Variants in BLNK observed in about 807,000 individuals in gnomAD.
The protein encoded by BLNK is B cell linker, also known as B-cell linker protein.
A neutral mutation model predicts 73.5 loss-of-function variants in BLNK; 29 were observed. The observed-to-expected ratio is 0.39, with a 90% CI of 0.29 to 0.54. The LOEUF is 0.54. Among genes scored for constraint, BLNK ranks in the 20% least tolerant of loss-of-function variants. BLNK has a pLI of 0.61. For synonymous variants in BLNK, 176 were observed against 200.8 expected (o/e 0.88, Z 1.04); for missense variants, 460 against 562.8 (o/e 0.82, Z 1.85).
intron 8 of BLNK, among the ~76,000 whole-genome samples, chr10:96,214,930 T>C (rs587619364): frequency 1.3e-5 from 2 of 152,242 alleles, no homozygotes; most frequent in South Asian, 2.1e-4. Flanking sequence ...CAAGGTGGCA[T>C]AGCTGGTAAC....
At chr10:96,229,106 AGTT>A (rs587713131) in intron 4 of BLNK, among the ~76,000 whole-genome samples, 234 of 152,228 alleles carry the variant, frequency 1.5e-3, no homozygotes, top group African/African-American at 5.5e-3. Context: ...ATATTCTTTT[AGTT>A]ATTTTTAAAT....
intron 6 of BLNK, among the ~76,000 whole-genome samples, chr10:96,217,267 T>C (rs1180374131): frequency 6.6e-6 from 1 of 152,230 alleles, no homozygotes; most frequent in African/African-American, 2.4e-5. Flanking sequence ...TGAATAATGG[T>C]GTCATGACTA....
chr10:96,227,301 C>T, intron 5 of BLNK, 109 bp downstream of exon 5: 1 of 1,445,830 alleles, frequency 6.9e-7, no homozygotes, highest in South Asian at 1.3e-5. Flanking sequence ...GGGCGGCTGG[C>T]AGAGGCCCTC....
At chr10:96,204,850 T>C in intron 11 of BLNK, 1 of 484,756 alleles carries the variant, frequency 2.1e-6, no homozygotes, top group Non-Finnish European at 3.8e-6. Context: ...ACCTCTGCAT[T>C]CATCCACTGG....
chr10:96,238,719 C>T (rs760999329), intron 3 of BLNK, among the ~76,000 whole-genome samples: 3 of 152,022 alleles, frequency 2.0e-5, no homozygotes, highest in African/African-American at 4.8e-5. Context: ...GGACCATTTC[C>T]GGGGATTGAG....
At chr10:96,213,300 G>A (rs1180543176) in intron 8 of BLNK, among the ~76,000 whole-genome samples, 1 of 152,238 alleles carries the variant, frequency 6.6e-6, no homozygotes, top group African/African-American at 2.4e-5. Context: ...GCCAGGTAAA[G>A]CCTCCTGAGC....
intron 12 of BLNK, 42 bp downstream of exon 12, chr10:96,204,490 A>T (rs782449617): frequency 1.7e-5 from 27 of 1,589,992 alleles, no homozygotes; most frequent in Non-Finnish European, 2.2e-5. Flanking sequence ...TAATTCCTGC[A>T]GCAACAAGAG....
At chr10:96,203,069 T>G (rs781953989) in intron 13 of BLNK, among the ~76,000 whole-genome samples, 2 of 152,206 alleles carry the variant, frequency 1.3e-5, no homozygotes, top group Non-Finnish European at 2.9e-5. Flanking sequence ...ACTCTCTGTC[T>G]CCTTCAGTAG....
chr10:96,200,915 C>G lies in BLNK; in HGVS notation c.1011+67G>C, dbSNP rs587627363. ...AGGTTCACTCCAAATGTCTTCTTCT[C>G]AGAAGACATGCTCTTTCCTGCAGTT... is the stretch of plus-strand genomic sequence containing the variant. On this transcript the variant is annotated intron_variant, in intron 14 of 16. Transcript: ENST00000224337. This position sits in a 1 kb window ranked among gnomAD's most constrained non-coding sequence, Gnocchi z 4.3. 9.0e-5 allele frequency: 124 copies of G among 1,375,994 alleles called. No individual in the cohort carries two copies. In the South Asian group the frequency reaches 1.4e-3, roughly 15 times the overall value. The allele number at this position is 1,375,994 out of a possible 1,614,324, so 85.2% of individuals were successfully genotyped here.
At chr10:96,259,360 C>T (rs1870170) in intron 1 of BLNK, among the ~76,000 whole-genome samples, 2,566 of 152,232 alleles carry the variant, frequency 0.017, 27 homozygotes, top group Middle Eastern at 0.031. Flanking sequence ...GAGGAAAGGA[C>T]AGATGGCAGG....
At chr10:96,203,688 G>A in intron 13 of BLNK, 1 of 161,546 alleles carries the variant, frequency 6.2e-6, no homozygotes, top group Non-Finnish European at 1.3e-5. Context: ...ATTTAAATCG[G>A]TATTATTTGT....
intron 10 of BLNK, 110 bp downstream of exon 10, chr10:96,207,762 C>CTA: frequency 7.4e-6 from 10 of 1,352,248 alleles, no homozygotes; most frequent in Non-Finnish European, 1.1e-5. Flanking sequence ...ACTTCAGTTG[C>CTA]TAAGATTGCT....
intron 3 of BLNK, among the ~76,000 whole-genome samples, chr10:96,235,306 A>G (rs1468222388): frequency 2.0e-5 from 3 of 152,212 alleles, no homozygotes; most frequent in African/African-American, 7.2e-5. Context: ...AAAGGGCTCA[A>G]TGAATGTTAG....
chr10:96,216,879 CT>C, intron 6 of BLNK, 145 bp from the exon 7 acceptor site: 1 of 748,098 alleles, frequency 1.3e-6, no homozygotes, highest in Non-Finnish European at 2.3e-6. Context: ...AATTTGGTGA[CT>C]TTTAGTATAT....
chr10:96,229,588 A>C (rs1298667161), intron 4 of BLNK, among the ~76,000 whole-genome samples: 1 of 151,826 alleles, frequency 6.6e-6, no homozygotes, highest in African/African-American at 2.4e-5. Flanking sequence ...TCATCCAGCC[A>C]GCTTGCTCAG....
chr10:96,194,189 G>A (rs1271292417), intron 16 of BLNK, among the ~76,000 whole-genome samples: 1 of 152,168 alleles, frequency 6.6e-6, no homozygotes, highest in Non-Finnish European at 1.5e-5. Context: ...TCAGGACCTC[G>A]AAATAGGACA....
chr10:96,208,702 T>C (rs1358709284), intron 9 of BLNK, among the ~76,000 whole-genome samples: 8 of 152,224 alleles, frequency 5.3e-5, no homozygotes, highest in Admixed American at 2.6e-4. Flanking sequence ...CTCGCTTTGT[T>C]TTCGGCTGAG....
At chr10:96,256,665 G>C (rs1177054543) in intron 1 of BLNK, among the ~76,000 whole-genome samples, 2 of 152,148 alleles carry the variant, frequency 1.3e-5, no homozygotes, top group African/African-American at 4.8e-5. Context: ...TGGATCACTT[G>C]AGGTCAGGAG....
At chr10:96,227,629 C>A (rs1842325204) in intron 4 of BLNK, 63 bp from the exon 5 acceptor site, 9 of 1,608,876 alleles carry the variant, frequency 5.6e-6, no homozygotes, top group Non-Finnish European at 6.8e-6. Context: ...GCCGTCAGGA[C>A]CATTCCTGCC....
Sources: gnomAD v4.1 joint callset for allele counts (sites outside exome capture counted in the v4.1 genomes callset) on GRCh38, gnomAD v4.1.1 for gene constraint, Gnocchi (gnomAD v3.1) non-coding constraint, MANE v1.5 for transcripts, NCBI Gene and HGNC (gene_info 2026-07-23, HGNC 2026-07-21) for gene names.